The following KCND2 variants were observed in gnomAD, a reference collection of about 807,000 sequenced individuals.
KCND2 encodes A-type voltage-gated potassium channel KCND2.
Under a neutral mutation model 54.4 loss-of-function variants are expected in KCND2, and 16 were observed. The observed-to-expected ratio is 0.29, with a 90% CI of 0.20 to 0.45. KCND2 has a LOEUF of 0.45. Among genes scored for constraint, KCND2 ranks in the 20% least tolerant of loss-of-function variants. The pLI, the probability that KCND2 is intolerant of heterozygous loss-of-function variation, is 1.00. For missense variants in KCND2, 486 were observed against 824.2 expected (o/e 0.59, Z 5.02); for synonymous variants, 317 against 310.7 (o/e 1.02, Z -0.21).
chr7:120,345,044 C>A lies in KCND2; in HGVS notation c.1115+69297C>A, dbSNP rs187890661. Among the ~76,000 whole-genome samples the A allele has an allele frequency of 7.9e-5, 12 of 152,172 alleles. No individual in the cohort carries two copies. In the East Asian group the frequency reaches 2.3e-3, roughly 29 times the overall value. On this transcript the variant is annotated intron_variant, in intron 1 of 5. Coordinates refer to ENST00000331113, the MANE Select transcript of KCND2 (RefSeq NM_012281.3). ...GAGAGAAGCCCTCATAGGGGAAGAG[C>A]GTTGAACTGATCTTAAAGTATGAGT...
chr7:120,317,084 C>G (rs1407037581), intron 1 of KCND2, among the ~76,000 whole-genome samples: 1 of 152,138 alleles, frequency 6.6e-6, no homozygotes, highest in East Asian at 1.9e-4. Flanking sequence ...ATCCACCCAC[C>G]TTGGCCTCCC....
chr7:120,292,506 T>G (rs1799449945), intron 1 of KCND2, among the ~76,000 whole-genome samples: 1 of 151,886 alleles, frequency 6.6e-6, no homozygotes. Context: ...ATTAAAAGTT[T>G]CCTTGGAGAA....
intron 1 of KCND2, among the ~76,000 whole-genome samples, chr7:120,669,131 T>A (rs1235961070): frequency 6.6e-6 from 1 of 151,978 alleles, no homozygotes; most frequent in East Asian, 1.9e-4. Context: ...ATAAACAGAG[T>A]TGCTCAGCTT....
chr7:120,700,610 TA>T (rs1258465566), intron 1 of KCND2, among the ~76,000 whole-genome samples: 1 of 152,186 alleles, frequency 6.6e-6, no homozygotes, highest in African/African-American at 2.4e-5. Context: ...TTGGAGAATT[TA>T]AAAAATAGAA....
chr7:120,367,564 T>C (rs891757886), intron 1 of KCND2, among the ~76,000 whole-genome samples: 17 of 141,666 alleles, frequency 1.2e-4, no homozygotes, highest in African/African-American at 4.4e-4. Flanking sequence ...AATCCATAGT[T>C]AAAAAAAAAA....
chr7:120,663,116 G>C (rs914758467), intron 1 of KCND2, among the ~76,000 whole-genome samples: 2 of 152,150 alleles, frequency 1.3e-5, no homozygotes, highest in Non-Finnish European at 2.9e-5. Flanking sequence ...GTACCATGTA[G>C]CGGTACATGG....
chr7:120,728,253 A>G (rs143059976), intron 1 of KCND2, among the ~76,000 whole-genome samples: 27 of 150,488 alleles, frequency 1.8e-4, no homozygotes, highest in African/African-American at 5.8e-4. Flanking sequence ...TTATTCTCTC[A>G]TGATATATTC....
intron 1 of KCND2, among the ~76,000 whole-genome samples, chr7:120,387,423 T>C (rs1801006888): frequency 6.6e-6 from 1 of 151,976 alleles, no homozygotes; most frequent in Non-Finnish European, 1.5e-5. Context: ...AGTTAAAGAG[T>C]ATTTTTAATC....
At chr7:120,403,874 TTAAAA>T (rs1189114055) in intron 1 of KCND2, among the ~76,000 whole-genome samples, 2 of 152,092 alleles carry the variant, frequency 1.3e-5, no homozygotes, top group Non-Finnish European at 2.9e-5. Flanking sequence ...ATAAAAAAAA[TTAAAA>T]TAACAAGATT....
intron 1 of KCND2, among the ~76,000 whole-genome samples, chr7:120,331,476 T>G (rs890495453): frequency 1.3e-5 from 2 of 152,008 alleles, no homozygotes; most frequent in African/African-American, 4.8e-5. Context: ...CAGAGATGCA[T>G]TTTAATTACA....
intron 1 of KCND2, among the ~76,000 whole-genome samples, chr7:120,515,664 A>C (rs144138743): frequency 6.6e-6 from 1 of 152,148 alleles, no homozygotes; most frequent in Admixed American, 6.6e-5. Context: ...ACCCCAAAAA[A>C]GAGGCATCCC....
At chr7:120,527,907 A>T (rs1384363235) in intron 1 of KCND2, among the ~76,000 whole-genome samples, 1 of 152,162 alleles carries the variant, frequency 6.6e-6, no homozygotes, top group African/African-American at 2.4e-5. Flanking sequence ...CCCTAGGAAC[A>T]GACAGATTTG....
intron 2 of KCND2, among the ~76,000 whole-genome samples, chr7:120,737,430 G>A (rs1011955237): frequency 1.3e-5 from 2 of 151,808 alleles, no homozygotes; most frequent in African/African-American, 4.8e-5. Context: ...AGTTCTCACC[G>A]CTTCCACCAT....
At chr7:120,425,275 T>A (rs1438903232) in intron 1 of KCND2, among the ~76,000 whole-genome samples, 1 of 152,188 alleles carries the variant, frequency 6.6e-6, no homozygotes, top group African/African-American at 2.4e-5. Context: ...AAGTACAGAA[T>A]ATTTTGCCAC....
chr7:120,733,541 C>CAAA (rs1172351338), intron 2 of KCND2, among the ~76,000 whole-genome samples: 1 of 152,064 alleles, frequency 6.6e-6, no homozygotes, highest in Non-Finnish European at 1.5e-5. Context: ...GTAGCAAAAT[C>CAAA]AGAAACAGAT....
At chr7:120,375,754 C>T (rs759931296) in intron 1 of KCND2, among the ~76,000 whole-genome samples, 1 of 151,674 alleles carries the variant, frequency 6.6e-6, no homozygotes, top group Non-Finnish European at 1.5e-5. Context: ...AATCTATTTG[C>T]GTGGGTGTTG....
intron 1 of KCND2, chr7:120,463,901 T>TAGATAGATA (rs1554356934): frequency 3.1e-5 from 5 of 161,754 alleles, no homozygotes; most frequent in African/African-American, 1.0e-4. Flanking sequence ...GATAGATGAT[T>TAGATAGATA]GATAGATAGA....
At chr7:120,483,368 G>T (rs1802634413) in intron 1 of KCND2, among the ~76,000 whole-genome samples, 1 of 152,164 alleles carries the variant, frequency 6.6e-6, no homozygotes, top group Non-Finnish European at 1.5e-5. Context: ...AGCTCAATAG[G>T]CAACTGAATG....
chr7:120,311,306 A>T (rs1219150783), intron 1 of KCND2, among the ~76,000 whole-genome samples: 1 of 152,220 alleles, frequency 6.6e-6, no homozygotes, highest in Non-Finnish European at 1.5e-5. Context: ...TTTTGTAAAT[A>T]ATTATCCAAA....
Sources: gnomAD v4.1 joint callset for allele counts (sites outside exome capture counted in the v4.1 genomes callset) on GRCh38, gnomAD v4.1.1 for gene constraint, MANE v1.5 for transcripts, NCBI Gene and HGNC (gene_info 2026-07-23, HGNC 2026-07-21) for gene names.